The following FRMD4A variants were observed in gnomAD, a reference collection of about 807,000 sequenced individuals.
FRMD4A encodes FERM domain-containing protein 4A.
Under a neutral mutation model 129.1 loss-of-function variants are expected in FRMD4A, and 29 were observed. The ratio of observed to expected loss-of-function variants is 0.22; its 90% CI spans 0.17 to 0.31. The LOEUF is 0.31. Ranked by LOEUF, FRMD4A falls within the 10% of genes least tolerant of loss-of-function variation. FRMD4A has a pLI of 1.00. For synonymous variants in FRMD4A, 634 were observed against 571.6 expected (o/e 1.11, Z -1.56); for missense variants, 1,272 against 1,375.8 (o/e 0.92, Z 1.19).
rs1424673012 is a variant in FRMD4A at position 13,713,848 on chromosome 10, CACATATATATAATATATAT to C, written c.760-6754_760-6736del. Reference sequence around the variant, plus strand: ...TATATACATATATGTAATATATATACACATATATATAATATATATACATATATGTAATATATATACATAT... The same window carrying C: ...TATATACATATATGTAATATATATACACATATATGTAATATATATACATAT... On this transcript the variant is annotated intron_variant, in intron 12 of 24. Coordinates refer to ENST00000357447, the MANE Select transcript of FRMD4A (RefSeq NM_018027.5). Among the ~76,000 whole-genome samples, 10 of 3,308 alleles carry C rather than the reference CACATATATATAATATATAT, an allele frequency of 3.0e-3. 3 individuals are homozygous for C. Among genetic ancestry groups the C allele is most frequent in the African/African-American group, 4.9e-3 (2 of 412 alleles). 2.2% of individuals were successfully genotyped at this position (3,308 alleles called of 152,430 possible).
In FRMD4A at chr10:13,830,107, C is replaced by T. The variant is rs145779324; in HGVS notation, c.112-19199G>A. 2.4e-3 allele frequency among the ~76,000 whole-genome samples: 366 copies of T among 152,278 alleles called. 1 individual carries two copies. The highest frequency in any genetic ancestry group is 7.8e-3 in the African/African-American group (325 of 41,544). On this transcript the variant is annotated intron_variant, in intron 3 of 24. Coordinates refer to ENST00000357447, the MANE Select transcript of FRMD4A (RefSeq NM_018027.5). ...CATGTTCTCTCTGGAGGAGATAACG[C>T]GCTTTACATTCATAACAGTGTGTCA...
chr10:14,225,855 G>A (rs914554630), intron 2 of FRMD4A, among the ~76,000 whole-genome samples: 5 of 152,176 alleles, frequency 3.3e-5, no homozygotes, highest in African/African-American at 9.7e-5. Flanking sequence ...TCTAGATATT[G>A]TTGCTCAGAA....
At position 13,659,483 on chromosome 10, in the gene FRMD4A, T is replaced by C. The variant is rs2082456544; in HGVS notation, c.1906A>G (p.Lys636Glu). ...CAGCTTCCTGTGCTGGGGAAGCGCTTGTGGCTGCTGCAAAGCCAAGGATGC... is the reference window on the plus strand; with the variant it reads ...CAGCTTCCTGTGCTGGGGAAGCGCTCGTGGCTGCTGCAAAGCCAAGGATGC... ...RSSHSHSSSH[K>E]RFPSTGSCAE... The change falls in exon 21 of 25, where the codon AAG becomes GAG. Residue 636 changes from lysine (K) to glutamate (E), a missense_variant. Physicochemically the swap from Lys to Glu is moderately conservative, Grantham distance 56. This residue lies in a region of FRMD4A where 972 missense variants were observed against 892.3 expected (regional missense o/e 1.09). Coordinates refer to ENST00000357447, the MANE Select transcript of FRMD4A (RefSeq NM_018027.5). The C allele has an allele frequency of 6.2e-7, 1 of 1,612,102 alleles. No homozygotes were observed. The highest frequency in any genetic ancestry group is 1.3e-5 in the African/African-American group (1 of 74,890).
rs11426622 is a variant in FRMD4A, at chr10:13,802,003, C to CAAAAAAAAAAAA, written c.207-5427_207-5416dup. 9.1e-5 allele frequency among the ~76,000 whole-genome samples: 10 copies of CAAAAAAAAAAAA among 109,506 alleles called. 3 individuals are homozygous for CAAAAAAAAAAAA. The highest frequency in any genetic ancestry group is 1.0e-4 in the African/African-American group (3 of 29,770). The allele number at this position is 109,506 out of a possible 152,430, so 71.8% of individuals were successfully genotyped here. ...TTCATTGCCTTTGCCAATAATAATG[C>CAAAAAAAAAAAA]AAAAAAAAAAAAAAAAAAAGCATCC... is the stretch of plus-strand genomic sequence containing the variant. On this transcript the variant is annotated intron_variant, in intron 4 of 24. Coordinates refer to ENST00000357447, the MANE Select transcript of FRMD4A (RefSeq NM_018027.5).
intron 2 of FRMD4A, chr10:13,891,901 A>C (rs1232853844): frequency 2.0e-5 from 5 of 251,612 alleles, no homozygotes; most frequent in Non-Finnish European, 3.1e-5. Context: ...GGCCCGCCGC[A>C]TGGTGCGCCC....
At chr10:13,950,384 A>T (rs2095362964) in intron 2 of FRMD4A, among the ~76,000 whole-genome samples, 1 of 152,222 alleles carries the variant, frequency 6.6e-6, no homozygotes, top group South Asian at 2.1e-4. Flanking sequence ...TATCTCCTCC[A>T]CTGAAATTCA....
chr10:14,089,379 C>T (rs539565749), intron 2 of FRMD4A, among the ~76,000 whole-genome samples: 1 of 152,102 alleles, frequency 6.6e-6, no homozygotes, highest in African/African-American at 2.4e-5. Context: ...CTTATCACCA[C>T]GGTTCCCAGA....
intron 2 of FRMD4A, among the ~76,000 whole-genome samples, chr10:14,033,834 GAAAAGAAAAGAA>G (rs374473670): frequency 9.9e-5 from 15 of 151,232 alleles, no homozygotes; most frequent in South Asian, 6.3e-4. Flanking sequence ...AGAAAAAAAA[GAAAAGAAAAGAA>G]AAAAGAAAAG....
chr10:13,798,181 C>T (rs998301782), intron 4 of FRMD4A, among the ~76,000 whole-genome samples: 9 of 151,808 alleles, frequency 5.9e-5, no homozygotes, highest in East Asian at 1.9e-4. Flanking sequence ...GAGGCGAAGG[C>T]GAGCGGATCA....
chr10:14,228,859 GT>G (rs1229311431), intron 2 of FRMD4A, among the ~76,000 whole-genome samples: 2 of 152,104 alleles, frequency 1.3e-5, no homozygotes, highest in Non-Finnish European at 2.9e-5. Context: ...AATTCTAGGA[GT>G]TAGGTCAGTT....
At chr10:14,150,095 C>T (rs952353224) in intron 2 of FRMD4A, among the ~76,000 whole-genome samples, 7 of 152,140 alleles carry the variant, frequency 4.6e-5, no homozygotes, top group Non-Finnish European at 8.8e-5. Context: ...CATGAAAACT[C>T]TCTCACTCTC....
At chr10:13,893,195 C>T (rs905101422) in intron 2 of FRMD4A, among the ~76,000 whole-genome samples, 27 of 152,186 alleles carry the variant, frequency 1.8e-4, no homozygotes, top group East Asian at 9.7e-4. Flanking sequence ...CCCCACCACA[C>T]GCTGCTAATT....
chr10:14,003,915 T>G (rs1279052436), intron 2 of FRMD4A, among the ~76,000 whole-genome samples: 1 of 152,278 alleles, frequency 6.6e-6, no homozygotes, highest in Non-Finnish European at 1.5e-5. Flanking sequence ...TTCTCTTTCC[T>G]TAACTCATTT....
chr10:14,261,010 A>T (rs1844782063), intron 2 of FRMD4A, among the ~76,000 whole-genome samples: 1 of 152,122 alleles, frequency 6.6e-6, no homozygotes, highest in African/African-American at 2.4e-5. Context: ...AAATCTTTGT[A>T]CCTAAGCATC....
intron 6 of FRMD4A, among the ~76,000 whole-genome samples, chr10:13,769,101 C>T (rs1313473964): frequency 6.8e-6 from 1 of 146,804 alleles, no homozygotes; most frequent in Non-Finnish European, 1.5e-5. Flanking sequence ...GGCCATTCTC[C>T]TGCCTCAGCC....
chr10:13,832,882 C>A (rs752628259), intron 3 of FRMD4A, among the ~76,000 whole-genome samples: 19 of 152,232 alleles, frequency 1.2e-4, no homozygotes, highest in Non-Finnish European at 2.6e-4. Flanking sequence ...TCAAGCAATC[C>A]TCCCACCTCA....
intron 2 of FRMD4A, among the ~76,000 whole-genome samples, chr10:13,920,363 G>C (rs1019886523): frequency 3.3e-5 from 5 of 152,160 alleles, no homozygotes; most frequent in African/African-American, 1.2e-4. Context: ...TGAGGTTCTT[G>C]AACTGAATGC....
At chr10:13,714,385 G>A (rs935759082) in intron 12 of FRMD4A, among the ~76,000 whole-genome samples, 3 of 151,156 alleles carry the variant, frequency 2.0e-5, no homozygotes, top group African/African-American at 7.3e-5. Flanking sequence ...TTAGTGGGTT[G>A]AAATCATATG....
chr10:14,281,761 T>C (rs532564842), intron 2 of FRMD4A, among the ~76,000 whole-genome samples: 2 of 152,342 alleles, frequency 1.3e-5, no homozygotes, highest in South Asian at 4.1e-4. Flanking sequence ...ATAAACCATA[T>C]GCAGTGCAAC....
Sources: gnomAD v4.1 joint callset for allele counts (sites outside exome capture counted in the v4.1 genomes callset) on GRCh38, gnomAD v4.1.1 for gene constraint, gnomAD v4.1.1 regional missense constraint, MANE v1.5 for transcripts, NCBI Gene and HGNC (gene_info 2026-07-23, HGNC 2026-07-21) for gene names.